GRID2: variants seen among roughly 807,000 people sequenced by gnomAD.
GRID2 encodes glutamate ionotropic receptor delta type subunit 2.
GRID2 carries 33 observed loss-of-function variants against 114.8 expected under a neutral mutation model. That is an observed-to-expected ratio of 0.29 (90% confidence interval 0.22 to 0.38). GRID2 has a LOEUF of 0.38. Ranked by LOEUF, GRID2 falls within the 10% of genes least tolerant of loss-of-function variation. GRID2 has a pLI of 1.00. For missense variants in GRID2, 1,184 were observed against 1,257.7 expected (o/e 0.94, Z 0.89); for synonymous variants, 505 against 449.9 (o/e 1.12, Z -1.55).
chr4:92,840,538 A>G (rs1742813509), intron 2 of GRID2, among the ~76,000 whole-genome samples: 1 of 151,926 alleles, frequency 6.6e-6, no homozygotes, highest in Non-Finnish European at 1.5e-5. Flanking sequence ...GTCTTTTTGA[A>G]ACTCAGTTAC....
At chr4:93,082,828 C>T (rs918164568) in intron 2 of GRID2, among the ~76,000 whole-genome samples, 2 of 149,926 alleles carry the variant, frequency 1.3e-5, no homozygotes, top group African/African-American at 2.4e-5. Context: ...CTGCTTAGTT[C>T]GTGTTTAATA....
intron 4 of GRID2, among the ~76,000 whole-genome samples, chr4:93,199,390 C>G (rs1741843658): frequency 6.6e-6 from 1 of 152,262 alleles, no homozygotes; most frequent in African/African-American, 2.4e-5. Flanking sequence ...TGAATGCAGT[C>G]TATCTCTTGC....
intron 1 of GRID2, among the ~76,000 whole-genome samples, chr4:92,433,211 G>A (rs141019838): frequency 5.9e-5 from 9 of 152,236 alleles, no homozygotes; most frequent in African/African-American, 1.9e-4. Flanking sequence ...ACTGCATGGG[G>A]TTGGGGGAGG....
chr4:93,309,324 TAA>T (rs1361992399), intron 8 of GRID2, among the ~76,000 whole-genome samples: 1 of 152,102 alleles, frequency 6.6e-6, no homozygotes, highest in Non-Finnish European at 1.5e-5. Flanking sequence ...CACTTGAGGC[TAA>T]GAGTTCCAGA....
At chr4:92,844,063 A>G (rs1385876076) in intron 2 of GRID2, among the ~76,000 whole-genome samples, 1 of 152,176 alleles carries the variant, frequency 6.6e-6, no homozygotes, top group Non-Finnish European at 1.5e-5. Flanking sequence ...TTGATAATCT[A>G]TTAAGTTGAC....
chr4:93,445,176 A>G (rs1263327324), intron 10 of GRID2, among the ~76,000 whole-genome samples: 2 of 151,996 alleles, frequency 1.3e-5, no homozygotes, highest in African/African-American at 4.8e-5. Flanking sequence ...TAATAGGATG[A>G]CTTGTGTTCA....
intron 3 of GRID2, among the ~76,000 whole-genome samples, chr4:93,088,974 T>C (rs1730556041): frequency 6.6e-6 from 1 of 152,164 alleles, no homozygotes; most frequent in Admixed American, 6.6e-5. Flanking sequence ...GAACATTTAC[T>C]ATATCCAGCC....
chr4:92,763,657 T>A (rs1738127596), intron 2 of GRID2, among the ~76,000 whole-genome samples: 2 of 152,102 alleles, frequency 1.3e-5, no homozygotes, highest in African/African-American at 2.4e-5. Context: ...GGAGCGTAAT[T>A]TTTTGTAGGA....
intron 14 of GRID2, among the ~76,000 whole-genome samples, chr4:93,716,275 A>G (rs1728893787): frequency 6.6e-6 from 1 of 152,144 alleles, no homozygotes; most frequent in Non-Finnish European, 1.5e-5. Context: ...AGATGAGGGA[A>G]ACAACTATCC....
intron 2 of GRID2, among the ~76,000 whole-genome samples, chr4:92,942,451 G>C (rs1035530820): frequency 6.6e-6 from 1 of 151,936 alleles, no homozygotes; most frequent in African/African-American, 2.4e-5. Flanking sequence ...TTTATTTTGA[G>C]CCTGTGTGTG....
chr4:93,451,598 CA>C (rs1376424964), intron 10 of GRID2, among the ~76,000 whole-genome samples: 2 of 151,980 alleles, frequency 1.3e-5, no homozygotes, highest in African/African-American at 4.8e-5. Context: ...TAAAGTGTGG[CA>C]GGAGACAGGA....
At chr4:93,036,404 A>G (rs1433594086) in intron 2 of GRID2, among the ~76,000 whole-genome samples, 1 of 152,112 alleles carries the variant, frequency 6.6e-6, no homozygotes, top group Non-Finnish European at 1.5e-5. Flanking sequence ...CTTATTTCTT[A>G]TGGTAAAACA....
In GRID2 at chr4:92,815,967, A is replaced by AC. The variant is rs113375167; in HGVS notation, c.244+225681_244+225682insC. ...AAGAAAAAAACAAAAAGCCAAAAAAAAACCAACCAAAAAAAAAACCCCTCA... is the reference window on the plus strand; with the variant it reads ...AAGAAAAAAACAAAAAGCCAAAAAAACAACCAACCAAAAAAAAAACCCCTCA... On this transcript the variant is annotated intron_variant, in intron 2 of 15. Coordinates refer to ENST00000282020, the MANE Select transcript of GRID2 (RefSeq NM_001510.4). 6.4e-3 allele frequency among the ~76,000 whole-genome samples: 965 copies of AC among 150,754 alleles called. 20 individuals carry two copies. Among genetic ancestry groups the AC allele is most frequent in the African/African-American group, 0.022 (903 of 41,238 alleles).
chr4:93,085,633 A>G (rs896473809), intron 3 of GRID2, among the ~76,000 whole-genome samples: 2 of 152,198 alleles, frequency 1.3e-5, no homozygotes, highest in Non-Finnish European at 2.9e-5. Flanking sequence ...ATACCTCTCT[A>G]TAATGCAGAA....
rs190625138 is a variant in GRID2, at chr4:92,419,206, A to G, written c.88+114462A>G. On this transcript the variant is annotated intron_variant, in intron 1 of 15. Transcript: ENST00000282020. ...AATCAGTCTACCAGTAATAAAGCTT[A>G]CACTTCAGTCTTCCATTTATCTTTC... is the stretch of plus-strand genomic sequence containing the variant. Among the ~76,000 whole-genome samples the G allele has an allele frequency of 4.0e-3, 604 of 152,258 alleles. 3 individuals carry two copies. Among genetic ancestry groups the G allele is most frequent in the Non-Finnish European group, 5.3e-3 (361 of 68,004 alleles).
chr4:93,502,716 C>CCA (rs1553941435), intron 12 of GRID2, among the ~76,000 whole-genome samples: 6 of 140,820 alleles, frequency 4.3e-5, no homozygotes, highest in East Asian at 2.3e-4. Context: ...CTCCCCCCCC[C>CCA]CACACACACA....
chr4:92,631,718 C>G (rs1278673217), intron 2 of GRID2, among the ~76,000 whole-genome samples: 1 of 152,014 alleles, frequency 6.6e-6, no homozygotes, highest in Non-Finnish European at 1.5e-5. Context: ...ATCTGTTTGC[C>G]TATCTTCAAC....
At chr4:93,806,856 C>G (rs1348013853) in exon 2 of GRID2, 2 of 152,242 alleles carry the variant, frequency 1.3e-5, no homozygotes, top group Non-Finnish European at 2.9e-5. Context: ...AATGGGAGGA[C>G]CCCTGGATGA....
chr4:93,162,287 T>C (rs1737761684), intron 4 of GRID2, among the ~76,000 whole-genome samples: 1 of 152,008 alleles, frequency 6.6e-6, no homozygotes, highest in Non-Finnish European at 1.5e-5. Context: ...AATTAAATTG[T>C]ATATATTCAA....
Sources: allele counts gnomAD v4.1 joint callset (sites outside exome capture counted in the v4.1 genomes callset), GRCh38; gene constraint gnomAD v4.1.1; transcripts MANE v1.5; gene names NCBI Gene and HGNC (gene_info 2026-07-23, HGNC 2026-07-21).